The following KLHL1 variants were observed in gnomAD, a reference collection of about 807,000 sequenced individuals.
KLHL1 encodes kelch like family member 1.
KLHL1 carries 47 observed loss-of-function variants against 77.7 expected under a neutral mutation model. That is an observed-to-expected ratio of 0.60 (90% confidence interval 0.48 to 0.77). The LOEUF (loss-of-function observed/expected upper bound fraction) is 0.77, where lower values mean the gene tolerates loss of function less well. Ranked by LOEUF, KLHL1 falls within the 30% of genes least tolerant of loss-of-function variation. KLHL1 has a pLI of 0.00. For synonymous variants in KLHL1, 360 were observed against 325.2 expected, an observed-to-expected ratio of 1.11 and a Z score of -1.15; for missense variants, 925 against 910.8, an observed-to-expected ratio of 1.02 and a Z score of -0.20.
chr13:69,832,735 C>A lies in KLHL1; in HGVS notation c.1414+6241G>T, dbSNP rs927393531. On this transcript the variant is annotated intron_variant, in intron 6 of 10. Transcript: ENST00000377844. ...AATAAGACTATAGCCACCAAAACAG[C>A]ATGGTACTGGTATAAAAATAGGCAC... Among the ~76,000 whole-genome samples, 6 of 152,056 alleles carry A rather than the reference C, an allele frequency of 3.9e-5. No homozygotes were observed. In the South Asian group the frequency reaches 6.2e-4, roughly 16 times the overall value.
At chr13:70,009,863 A>G (rs560410240) in intron 1 of KLHL1, among the ~76,000 whole-genome samples, 1 of 152,192 alleles carries the variant, frequency 6.6e-6, no homozygotes, top group Non-Finnish European at 1.5e-5. Context: ...TGGGTTCAAA[A>G]AAAGGTCAGA....
At chr13:69,973,775 C>T (rs1458173833) in intron 2 of KLHL1, among the ~76,000 whole-genome samples, 3 of 151,906 alleles carry the variant, frequency 2.0e-5, no homozygotes, top group Non-Finnish European at 4.4e-5. Flanking sequence ...AACTTAAAGT[C>T]CTAAGATGTA....
intron 4 of KLHL1, among the ~76,000 whole-genome samples, chr13:69,892,593 C>T (rs939078239): frequency 6.6e-6 from 1 of 151,380 alleles, no homozygotes; most frequent in Non-Finnish European, 1.5e-5. Context: ...AAAGTTTATA[C>T]CCTAACTTCT....
At chr13:69,809,768 C>T (rs1877783688) in intron 6 of KLHL1, among the ~76,000 whole-genome samples, 2 of 151,216 alleles carry the variant, frequency 1.3e-5, no homozygotes, top group South Asian at 4.2e-4. Context: ...ATTAAAAAAA[C>T]AAATAACAAG....
chr13:70,031,020 T>C (rs2137365667), intron 1 of KLHL1, among the ~76,000 whole-genome samples: 1 of 152,206 alleles, frequency 6.6e-6, no homozygotes, highest in African/African-American at 2.4e-5. Flanking sequence ...CCTGGACACA[T>C]ACACCCTCCC....
chr13:69,896,219 C>A (rs1294989610), intron 4 of KLHL1, among the ~76,000 whole-genome samples: 1 of 152,144 alleles, frequency 6.6e-6, no homozygotes, highest in East Asian at 1.9e-4. Flanking sequence ...ATCTCTCTTG[C>A]AGCCCCTTCA....
chr13:70,027,649 G>GTTTTTTTTTTTTTTTTTTT (rs1185282462), intron 1 of KLHL1, among the ~76,000 whole-genome samples: 3 of 109,326 alleles, frequency 2.7e-5, no homozygotes, highest in Admixed American at 9.7e-5. Flanking sequence ...CAAAATGTAA[G>GTTTTTTTTTTTTTTTTTTT]TTGTTTTTTT....
At chr13:70,097,017 A>G (rs1038382131) in intron 1 of KLHL1, among the ~76,000 whole-genome samples, 1 of 152,024 alleles carries the variant, frequency 6.6e-6, no homozygotes, top group Non-Finnish European at 1.5e-5. Flanking sequence ...CCATGATCCA[A>G]TGTAAAGGAG....
At chr13:69,949,410 A>G (rs142219449) in intron 3 of KLHL1, among the ~76,000 whole-genome samples, 1,557 of 151,840 alleles carry the variant, frequency 0.01, 26 homozygotes, top group African/African-American at 0.035. Flanking sequence ...TGATTATTAG[A>G]CTGGGGTTAT....
chr13:69,868,748 C>T (rs1334017870), intron 5 of KLHL1, among the ~76,000 whole-genome samples: 1 of 151,954 alleles, frequency 6.6e-6, no homozygotes, highest in Non-Finnish European at 1.5e-5. Context: ...CTTGTTCTCA[C>T]ACATGAATAA....
At chr13:70,103,448 G>C (rs969257681) in intron 1 of KLHL1, among the ~76,000 whole-genome samples, 1 of 151,930 alleles carries the variant, frequency 6.6e-6, no homozygotes, top group African/African-American at 2.4e-5. Context: ...GAGGGAGTGA[G>C]GGATGTGGAA....
intron 1 of KLHL1, among the ~76,000 whole-genome samples, chr13:70,001,581 GTCTATCTA>G (rs71116971): frequency 1.4e-3 from 207 of 146,728 alleles, no homozygotes; most frequent in Middle Eastern, 6.1e-3. Context: ...TGATCTATGT[GTCTATCTA>G]TCTATCTATC....
chr13:69,809,867 T>C (rs140559842), intron 6 of KLHL1, among the ~76,000 whole-genome samples: 1,774 of 150,652 alleles, frequency 0.012, 34 homozygotes, highest in African/African-American at 0.04. Context: ...AGGTGTACTA[T>C]GCAAATGGAA....
At chr13:69,723,751 T>A (rs895616933) in intron 8 of KLHL1, among the ~76,000 whole-genome samples, 1 of 152,100 alleles carries the variant, frequency 6.6e-6, no homozygotes, top group African/African-American at 2.4e-5. Context: ...TTCATCTACA[T>A]GATAAAACCT....
chr13:69,803,046 A>G (rs868492864), intron 6 of KLHL1: 3 of 152,190 alleles, frequency 2.0e-5, no homozygotes, highest in African/African-American at 7.2e-5. Flanking sequence ...CCTTAAACAG[A>G]AGTATTCATA....
intron 7 of KLHL1, among the ~76,000 whole-genome samples, chr13:69,776,819 TTTCTC>T (rs1477951447): frequency 7.9e-5 from 12 of 152,210 alleles, no homozygotes; most frequent in African/African-American, 2.7e-4. Flanking sequence ...TTAATATTTT[TTTCTC>T]TTCTCTTAAC....
intron 1 of KLHL1, among the ~76,000 whole-genome samples, chr13:70,050,045 G>C (rs1185937685): frequency 6.6e-6 from 1 of 151,768 alleles, no homozygotes; most frequent in East Asian, 1.9e-4. Context: ...TCAATTTACT[G>C]CCTTAACATT....
chr13:69,832,757 G>A (rs1195693285), intron 6 of KLHL1, among the ~76,000 whole-genome samples: 1 of 151,848 alleles, frequency 6.6e-6, no homozygotes, highest in Non-Finnish European at 1.5e-5. Context: ...ATAAAAATAG[G>A]CACACAGACA....
intron 10 of KLHL1, among the ~76,000 whole-genome samples, chr13:69,706,746 A>G (rs1467725321): frequency 1.3e-5 from 2 of 152,022 alleles, no homozygotes; most frequent in Non-Finnish European, 2.9e-5. Context: ...GAATGAAAGT[A>G]AAGAGAAATC....
Sources: gnomAD v4.1 joint callset for allele counts (sites outside exome capture counted in the v4.1 genomes callset) on GRCh38, gnomAD v4.1.1 for gene constraint, MANE v1.5 for transcripts, NCBI Gene and HGNC (gene_info 2026-07-23, HGNC 2026-07-21) for gene names.